Variants in SHTN1 observed in about 807,000 individuals in gnomAD.
SHTN1 encodes the protein shootin 1, also known as shootin-1.
Under a neutral mutation model 83.1 loss-of-function variants are expected in SHTN1, and 42 were observed. That is an observed-to-expected ratio of 0.51 (90% CI 0.39 to 0.65). The LOEUF (loss-of-function observed/expected upper bound fraction) is 0.65. Ranked by LOEUF, SHTN1 falls within the 30% of genes least tolerant of loss-of-function variation. The pLI, the probability that SHTN1 is intolerant of heterozygous loss-of-function variation, is 0.00. For missense variants in SHTN1, 622 were observed against 737.8 expected (o/e 0.84, Z 1.82); for synonymous variants, 224 against 247.7 (o/e 0.90, Z 0.90).
intron 9 of SHTN1, among the ~76,000 whole-genome samples, chr10:116,931,244 G>A (rs560563717): frequency 8.6e-5 from 13 of 150,976 alleles, no homozygotes; most frequent in South Asian, 4.2e-4. Context: ...GTTTTGTTTC[G>A]TTTTTGTTTT....
intron 1 of SHTN1, among the ~76,000 whole-genome samples, chr10:117,110,560 C>G (rs916545271): frequency 7.9e-5 from 12 of 151,708 alleles, no homozygotes; most frequent in African/African-American, 2.7e-4. Flanking sequence ...AGGGTTTCAC[C>G]ATGTTGCCCA....
chr10:116,909,417 T>C (rs1848103382), intron 14 of SHTN1, among the ~76,000 whole-genome samples: 1 of 152,194 alleles, frequency 6.6e-6, no homozygotes, highest in Non-Finnish European at 1.5e-5. Context: ...AGTTCTTTGA[T>C]TTACAGCCAA....
chr10:116,976,491 G>A (rs1850812705), intron 2 of SHTN1, among the ~76,000 whole-genome samples: 1 of 152,174 alleles, frequency 6.6e-6, no homozygotes, highest in Non-Finnish European at 1.5e-5. Context: ...ATGGCAAAAG[G>A]AGTCTTACTT....
chr10:116,891,654 A>G (rs754625016), intron 16 of SHTN1, among the ~76,000 whole-genome samples: 10 of 152,212 alleles, frequency 6.6e-5, no homozygotes, highest in Admixed American at 6.5e-5. Flanking sequence ...AGTGAACAGT[A>G]GTGGCATTAC....
In SHTN1 at chr10:116,886,455, C is replaced by G. The variant is rs1554904803; in HGVS notation, c.1785G>C (p.Gln595His). The change falls in exon 17 of 17, where the codon CAG becomes CAC. Residue 595 changes from glutamine (Q) to histidine (H), a missense_variant. Physicochemically the swap from Gln to His is conservative, Grantham distance 24. Coordinates refer to ENST00000355371, the MANE Select transcript of SHTN1 (RefSeq NM_001127211.3). Reference sequence around the variant, plus strand: ...GTTGAGTTGGATCTTTTTCAGCAACCTGGTCTTTGGTTTGGGGTTCATGTG... The same window carrying G: ...GTTGAGTTGGATCTTTTTCAGCAACGTGGTCTTTGGTTTGGGGTTCATGTG... ...VSTHEPQTKD[Q>H]VAEKDPTQHK... 1 of 1,613,594 alleles carries G rather than the reference C, an allele frequency of 6.2e-7. No homozygotes were observed. The highest frequency in any genetic ancestry group is 1.1e-5 in the South Asian group (1 of 90,988).
At chr10:116,899,898 G>C (rs542249099) in intron 16 of SHTN1, among the ~76,000 whole-genome samples, 1 of 152,332 alleles carries the variant, frequency 6.6e-6, no homozygotes, top group Admixed American at 6.5e-5. Context: ...ATTCCTGGAA[G>C]CTAGGCCAGT....
chr10:116,999,770 G>A (rs988086894), intron 1 of SHTN1, among the ~76,000 whole-genome samples: 4 of 152,030 alleles, frequency 2.6e-5, no homozygotes, highest in Non-Finnish European at 4.4e-5. Context: ...AAAATTAGCC[G>A]GGTGTGGTGG....
chr10:116,896,418 T>A lies in SHTN1; in HGVS notation c.1673+5347A>T, dbSNP rs531463888. Among the ~76,000 whole-genome samples, 4 of 152,024 alleles carry A rather than the reference T, an allele frequency of 2.6e-5. No homozygotes were observed. In the South Asian group the frequency reaches 8.3e-4, roughly 32 times the overall value. On this transcript the variant is annotated intron_variant, in intron 16 of 16. Coordinates refer to ENST00000355371, the MANE Select transcript of SHTN1 (RefSeq NM_001127211.3). The stretch of plus-strand genomic sequence containing the variant: ...GTGGGACTAGTCAACCTAGCTGGGG[T>A]GAAAGAAGGAAGGCTAGGCCCCAAC...
At chr10:116,997,056 AG>A (rs1397939230) in intron 1 of SHTN1, among the ~76,000 whole-genome samples, 1 of 152,228 alleles carries the variant, frequency 6.6e-6, no homozygotes, top group Non-Finnish European at 1.5e-5. Flanking sequence ...GCCTAAAAGC[AG>A]GACACAGAAT....
At chr10:116,964,337 G>C (rs561386950) in intron 3 of SHTN1, among the ~76,000 whole-genome samples, 2 of 152,302 alleles carry the variant, frequency 1.3e-5, no homozygotes, top group East Asian at 3.9e-4. Context: ...CGGAGGCCCA[G>C]AGAAGTTAAA....
At chr10:116,911,183 C>T (rs952874542) in intron 14 of SHTN1, among the ~76,000 whole-genome samples, 3 of 152,076 alleles carry the variant, frequency 2.0e-5, no homozygotes, top group African/African-American at 4.8e-5. Context: ...GTGCAGTAGC[C>T]GCTGATTCCA....
intron 14 of SHTN1, among the ~76,000 whole-genome samples, chr10:116,909,723 C>CA (rs1848116643): frequency 1.3e-5 from 2 of 152,156 alleles, no homozygotes; most frequent in South Asian, 4.1e-4. Flanking sequence ...GAAACTCCCC[C>CA]AAACCAGAGA....
At chr10:116,993,017 CTTTTTT>C (rs35364697) in intron 1 of SHTN1, among the ~76,000 whole-genome samples, 29 of 121,226 alleles carry the variant, frequency 2.4e-4, no homozygotes, top group African/African-American at 8.5e-4. Flanking sequence ...TCTTTTTTTT[CTTTTTT>C]TTTTTTTTTT....
intron 2 of SHTN1, among the ~76,000 whole-genome samples, chr10:116,969,836 G>GAT (rs1369540923): frequency 6.6e-6 from 1 of 151,976 alleles, no homozygotes; most frequent in East Asian, 1.9e-4. Flanking sequence ...ATAAAACAGG[G>GAT]ATATATAACA....
chr10:116,943,617 A>G (rs1485213138), intron 8 of SHTN1, among the ~76,000 whole-genome samples: 1 of 152,222 alleles, frequency 6.6e-6, no homozygotes. Flanking sequence ...AAAACGAATC[A>G]TAATATTTCA....
intron 11 of SHTN1, among the ~76,000 whole-genome samples, chr10:116,925,127 G>T (rs1487704167): frequency 6.6e-6 from 1 of 152,160 alleles, no homozygotes; most frequent in African/African-American, 2.4e-5. Context: ...CAACCTGACT[G>T]GGCCACGGGG....
At chr10:117,120,919 C>T (rs890516561) in intron 1 of SHTN1, among the ~76,000 whole-genome samples, 1 of 151,890 alleles carries the variant, frequency 6.6e-6, no homozygotes, top group Non-Finnish European at 1.5e-5. Flanking sequence ...AAGCGATTCT[C>T]CTGCCTCAGC....
intron 1 of SHTN1, among the ~76,000 whole-genome samples, chr10:116,988,606 T>C (rs1035403908): frequency 6.6e-6 from 1 of 151,802 alleles, no homozygotes; most frequent in African/African-American, 2.4e-5. Flanking sequence ...TGGAGTGGAG[T>C]GACATGATTA....
chr10:117,125,934 T>C (rs1853997882), intron 1 of SHTN1, among the ~76,000 whole-genome samples: 1 of 152,316 alleles, frequency 6.6e-6, no homozygotes, highest in South Asian at 2.1e-4. Flanking sequence ...ATGGCAGTCT[T>C]ATCTAACCCA....
Sources: allele counts gnomAD v4.1 joint callset (sites outside exome capture counted in the v4.1 genomes callset), GRCh38; gene constraint gnomAD v4.1.1; transcripts MANE v1.5; gene names NCBI Gene and HGNC (gene_info 2026-07-23, HGNC 2026-07-21).